The following DEPDC7 variants were observed in gnomAD, a reference collection of about 807,000 sequenced individuals.
DEPDC7 encodes DEP domain containing 7.
A neutral mutation model predicts 56.6 loss-of-function variants in DEPDC7; 41 were observed. The observed-to-expected ratio is 0.72, with a 90% CI of 0.56 to 0.94. The LOEUF (loss-of-function observed/expected upper bound fraction) is 0.94, where lower values mean the gene tolerates loss of function less well. DEPDC7 is among the 40% of genes least tolerant of loss of function. The pLI is 0.00. For missense variants in DEPDC7, 522 were observed against 596.3 expected (o/e 0.88, Z 1.30); for synonymous variants, 185 against 208.8 (o/e 0.89, Z 0.98).
At chr11:33,023,693 C>T (rs904035556) in intron 1 of DEPDC7, among the ~76,000 whole-genome samples, 4 of 152,102 alleles carry the variant, frequency 2.6e-5, no homozygotes, top group South Asian at 2.1e-4. Context: ...CTACCACGCC[C>T]GGCCAATTTT....
intron 4 of DEPDC7, among the ~76,000 whole-genome samples, chr11:33,029,711 A>G (rs1021915765): frequency 3.3e-5 from 5 of 152,114 alleles, no homozygotes; most frequent in African/African-American, 9.7e-5. Flanking sequence ...TTAATTTTTT[A>G]TTATTTTGCC....
chr11:33,017,080 T>C (rs1165974580), intron 1 of DEPDC7, among the ~76,000 whole-genome samples: 1 of 152,220 alleles, frequency 6.6e-6, no homozygotes, highest in Non-Finnish European at 1.5e-5. Context: ...TTCAAAATGC[T>C]AACGACAGAT....
At chr11:33,027,146 GC>G (rs1228091829) in intron 2 of DEPDC7, among the ~76,000 whole-genome samples, 1 of 152,140 alleles carries the variant, frequency 6.6e-6, no homozygotes, top group Non-Finnish European at 1.5e-5. Flanking sequence ...ATCCCTGGAG[GC>G]ATCTGGGACA....
chr11:33,019,320 G>T (rs1281403560), intron 1 of DEPDC7, among the ~76,000 whole-genome samples: 1 of 152,112 alleles, frequency 6.6e-6, no homozygotes, highest in Non-Finnish European at 1.5e-5. Flanking sequence ...GACATGTCCT[G>T]TTGGGGGTAT....
chr11:33,023,527 A>G (rs1199034876), intron 1 of DEPDC7, among the ~76,000 whole-genome samples: 2 of 151,868 alleles, frequency 1.3e-5, no homozygotes, highest in Non-Finnish European at 2.9e-5. Context: ...CACTAAGAGG[A>G]GTTTTTGTTT....
intron 7 of DEPDC7, 48 bp downstream of exon 7, chr11:33,032,841 G>A (rs1853647551): frequency 3.2e-6 from 5 of 1,579,476 alleles, no homozygotes; most frequent in Non-Finnish European, 4.3e-6. Context: ...TAGATCACTA[G>A]ATTAAAATGC....
At position 33,026,003 on chromosome 11, in the gene DEPDC7, C is replaced by A; in HGVS notation, c.418C>A (p.Gln140Lys). 6.2e-7 allele frequency: 1 copy of A among 1,613,928 alleles called. No individual in the cohort carries two copies. Residue 140 changes from glutamine (Q) to lysine (K), a missense_variant, in exon 2 of 9, where the codon CAA becomes AAA. By Grantham distance (53) the Gln-to-Lys change is moderately conservative. Coordinates refer to ENST00000241051, the MANE Select transcript of DEPDC7 (RefSeq NM_001077242.2). ...SLYRFTTIPNQDSQLGKENKL... is the reference protein window; with the variant it reads ...SLYRFTTIPNKDSQLGKENKL... Reference sequence around the variant, plus strand: ...TTATAGATTCACCACAATACCTAACCAAGACAGTCAGTTAGGCAAAGAGAA... The same window carrying A: ...TTATAGATTCACCACAATACCTAACAAAGACAGTCAGTTAGGCAAAGAGAA...
chr11:33,028,092 C>T (rs184760802), intron 3 of DEPDC7: 17 of 262,410 alleles, frequency 6.5e-5, no homozygotes, highest in African/African-American at 2.2e-4. Flanking sequence ...ATATGCTCTC[C>T]GATGTTTCTT....
intron 2 of DEPDC7, chr11:33,026,381 GA>G (rs1170110909): frequency 7.8e-4 from 242 of 308,690 alleles, no homozygotes; most frequent in African/African-American, 5.0e-3. Flanking sequence ...AGAGAAGAAG[GA>G]ATTATTTAAA....
chr11:33,030,005 GC>G (rs1236035750), intron 4 of DEPDC7, among the ~76,000 whole-genome samples: 1 of 152,200 alleles, frequency 6.6e-6, no homozygotes, highest in Non-Finnish European at 1.5e-5. Flanking sequence ...TGTCGCCCAG[GC>G]TGGAGTGCAG....
chr11:33,031,808 ATGC>A (rs1380721349), intron 5 of DEPDC7, among the ~76,000 whole-genome samples: 2 of 152,210 alleles, frequency 1.3e-5, no homozygotes, highest in African/African-American at 2.4e-5. Context: ...CAGGAGTATA[ATGC>A]TGCTCTCATT....
intron 4 of DEPDC7, among the ~76,000 whole-genome samples, chr11:33,030,477 T>G (rs568138668): frequency 1.1e-5 from 1 of 92,136 alleles, no homozygotes; most frequent in Non-Finnish European, 2.4e-5. Flanking sequence ...TAGATAGATA[T>G]AAAAAATGGA....
chr11:33,031,463 G>C lies in DEPDC7; in HGVS notation c.868G>C (p.Glu290Gln). Reference sequence around the variant, plus strand: ...GGTGGAAATAAGCAGAAGCTTTCCTGAGCAACCAGACCGAACAGACTTAGT... The same window carrying C: ...GGTGGAAATAAGCAGAAGCTTTCCTCAGCAACCAGACCGAACAGACTTAGT... The part of the protein sequence containing the change: ...MVVEISRSFP[E>Q]QPDRTDLVKE... Residue 290 changes from glutamate to glutamine, a missense_variant, in exon 5 of 9, where the codon GAG (glutamate) becomes CAG (glutamine). Transcript: ENST00000241051. The C allele has an allele frequency of 6.2e-7, 1 of 1,614,170 alleles. No homozygotes were observed.
At chr11:33,027,418 A>G (rs974922381) in intron 2 of DEPDC7, among the ~76,000 whole-genome samples, 2 of 152,210 alleles carry the variant, frequency 1.3e-5, no homozygotes, top group East Asian at 1.9e-4. Flanking sequence ...AATGAAGTCC[A>G]GTTATGTTTG....
chr11:33,032,569 G>T (rs967259330), intron 6 of DEPDC7, 91 bp downstream of exon 6: 35 of 1,379,086 alleles, frequency 2.5e-5, no homozygotes, highest in Non-Finnish European at 3.4e-5. Context: ...CATCAAGTAT[G>T]CTGAAATGTA....
chr11:33,032,795 T>C lies in DEPDC7; in HGVS notation c.1263+2T>C, dbSNP rs144764987. 3 of 1,594,206 alleles carry C rather than the reference T, an allele frequency of 1.9e-6. No homozygotes were observed. In the African/African-American group the frequency reaches 4.1e-5, roughly 22 times the overall value. ...GATCATCAGAAAGATGTTTTTAAGG[T>C]AAAATTGTGAAAGTAGTTAAATTGA... On this transcript the variant is annotated splice_donor_variant, in intron 7 of 8. Transcript: ENST00000241051. LOFTEE classifies it high-confidence loss of function.
intron 1 of DEPDC7, among the ~76,000 whole-genome samples, chr11:33,019,812 A>T (rs1853504839): frequency 6.6e-6 from 1 of 152,140 alleles, no homozygotes; most frequent in South Asian, 2.1e-4. Context: ...TCTGAAAGAA[A>T]TCGGGCACTA....
chr11:33,025,292 A>G (rs1853565992), intron 1 of DEPDC7, among the ~76,000 whole-genome samples: 1 of 152,120 alleles, frequency 6.6e-6, no homozygotes, highest in African/African-American at 2.4e-5. Context: ...TAACCTTATC[A>G]CACAGGTCTA....
At chr11:33,026,097 T>C in intron 2 of DEPDC7, 48 bp downstream of exon 2, 1 of 1,603,320 alleles carries the variant, frequency 6.2e-7, no homozygotes. Context: ...CAGGATTTTG[T>C]CTACCTTTTT....
Sources: allele counts gnomAD v4.1 joint callset (sites outside exome capture counted in the v4.1 genomes callset), GRCh38; gene constraint gnomAD v4.1.1; transcripts MANE v1.5; gene names NCBI Gene and HGNC (gene_info 2026-07-23, HGNC 2026-07-21).